Variants in NSUN6 observed in about 807,000 individuals in gnomAD.
NSUN6 encodes NOP2/Sun RNA methyltransferase 6.
NSUN6 carries 64 observed loss-of-function variants against 58.0 expected under a neutral mutation model. The ratio of observed to expected loss-of-function variants is 1.10; its 90% confidence interval spans 0.90 to 1.36. The LOEUF (loss-of-function observed/expected upper bound fraction) is 1.36, where lower values mean the gene tolerates loss of function less well. Ranked by LOEUF, NSUN6 falls within the 40% of genes most tolerant of loss-of-function variation. The pLI is 0.00. For missense variants in NSUN6, 701 were observed against 550.1 expected, an observed-to-expected ratio of 1.27 and a Z score of -2.74; for synonymous variants, 231 against 193.9, an observed-to-expected ratio of 1.19 and a Z score of -1.59.
At chr10:18,600,927 C>CAAAAAAAAA (rs1242151513) in intron 6 of NSUN6, among the ~76,000 whole-genome samples, 3 of 43,766 alleles carry the variant, frequency 6.9e-5, no homozygotes, top group African/African-American at 2.1e-4. Flanking sequence ...GACTCCATCT[C>CAAAAAAAAA]AAAAAAAAAA....
At chr10:18,640,753 T>C (rs940758561) in intron 3 of NSUN6, among the ~76,000 whole-genome samples, 5 of 152,026 alleles carry the variant, frequency 3.3e-5, no homozygotes, top group African/African-American at 1.2e-4. Flanking sequence ...TGTATGTAAC[T>C]TTCACCTTTA....
chr10:18,588,767 T>C (rs1296624778), intron 7 of NSUN6, among the ~76,000 whole-genome samples: 2 of 152,178 alleles, frequency 1.3e-5, no homozygotes, highest in African/African-American at 4.8e-5. Flanking sequence ...CCAAAGGTCA[T>C]CAACCTCAAA....
Position 18,614,579 on chromosome 10 carries a change from A to G in NSUN6, c.456T>C (p.Ser152=). 1.4e-6 allele frequency: 2 copies of G among 1,481,020 alleles called. No individual in the cohort carries two copies. The highest frequency in any genetic ancestry group is 1.3e-5 in the South Asian group (1 of 78,916). The allele number at this position is 1,481,020 out of a possible 1,614,324, so 91.7% of individuals were successfully genotyped here. Residue 152 remains serine, a synonymous_variant, in exon 5 of 11, where the codon TCT becomes TCC. Coordinates refer to ENST00000377304, the MANE Select transcript of NSUN6 (RefSeq NM_182543.5). ...CTTTCTTACATTTTCCTTTAATATC[A>G]GAGTATACAGAAATAACATCTCCAG... is the stretch of plus-strand genomic sequence containing the variant. The part of the protein sequence containing the change: ...MKAGDVISVY[S]DIKGKCKKGA...
intron 2 of NSUN6, among the ~76,000 whole-genome samples, chr10:18,644,569 G>T (rs2059485294): frequency 6.6e-6 from 1 of 151,702 alleles, no homozygotes; most frequent in Non-Finnish European, 1.5e-5. Context: ...GGGCGCAGTG[G>T]CTCATGCCTG....
At chr10:18,588,752 C>T (rs1292868497) in intron 7 of NSUN6, among the ~76,000 whole-genome samples, 1 of 152,204 alleles carries the variant, frequency 6.6e-6, no homozygotes, top group Admixed American at 6.5e-5. Context: ...CCACAACAAT[C>T]CCATCCAAAG....
intron 8 of NSUN6, among the ~76,000 whole-genome samples, chr10:18,571,474 C>T (rs2056358828): frequency 6.6e-6 from 1 of 151,448 alleles, no homozygotes; most frequent in Middle Eastern, 3.2e-3. Context: ...AATCCATTCT[C>T]CATTCCATTC....
chr10:18,603,494 G>A (rs1316648541), intron 6 of NSUN6, among the ~76,000 whole-genome samples: 1 of 150,378 alleles, frequency 6.6e-6, no homozygotes, highest in Non-Finnish European at 1.5e-5. Context: ...TTTTGGGATG[G>A]AGTCTCGCTC....
intron 8 of NSUN6, among the ~76,000 whole-genome samples, chr10:18,558,211 G>T (rs1345310806): frequency 6.6e-6 from 1 of 151,514 alleles, no homozygotes; most frequent in African/African-American, 2.4e-5. Context: ...ATGGAGAATG[G>T]AATGGGGAAT....
At chr10:18,624,307 C>T (rs886912231) in intron 3 of NSUN6, among the ~76,000 whole-genome samples, 3 of 151,784 alleles carry the variant, frequency 2.0e-5, no homozygotes, top group African/African-American at 7.3e-5. Context: ...AAAGCACAGA[C>T]AAGATAAAAC....
chr10:18,550,015 G>A lies in NSUN6; in HGVS notation c.1072-1778C>T, dbSNP rs1469890051. Among the ~76,000 whole-genome samples, 4 of 152,186 alleles carry A rather than the reference G, an allele frequency of 2.6e-5. No individual in the cohort carries two copies. The East Asian group carries it at 7.7e-4, about 29-fold the overall frequency. ...AAGTCACTTAGGTGGAAGAGCCATG[G>A]CTCAAGTCAACAAGGCTCAAGTCCA... On this transcript the variant is annotated intron_variant, in intron 9 of 10. Transcript: ENST00000377304.
At chr10:18,610,046 A>G in intron 5 of NSUN6, 120 bp from the exon 6 acceptor site, 1 of 673,536 alleles carries the variant, frequency 1.5e-6, no homozygotes, top group African/African-American at 1.8e-5. Context: ...TTTAAGAACT[A>G]TTTTGGCTCA....
intron 3 of NSUN6, among the ~76,000 whole-genome samples, chr10:18,629,607 G>C (rs1398176633): frequency 1.3e-5 from 2 of 150,546 alleles, no homozygotes; most frequent in Non-Finnish European, 3.0e-5. Context: ...TACAATCCTA[G>C]TCTCTGATAA....
Position 18,563,211 on chromosome 10 carries a change from TGG to T in NSUN6, c.923-11242_923-11241del, listed in dbSNP as rs2055670859. On this transcript the variant is annotated intron_variant, in intron 8 of 10. Coordinates refer to ENST00000377304, the MANE Select transcript of NSUN6 (RefSeq NM_182543.5). ...GTATGGAATGGAATGGAGAATGGTA[TGG>T]AATGGAATGGAGAATGGTATGGAAT... 3.5e-5 allele frequency among the ~76,000 whole-genome samples: 5 copies of T among 141,772 alleles called. No individual in the cohort carries two copies. The South Asian group carries it at 1.1e-3, about 32-fold the overall frequency. 93.0% of individuals were successfully genotyped at this position (141,772 alleles called of 152,430 possible).
chr10:18,572,903 T>TTTCCA (rs2056451596), intron 8 of NSUN6, among the ~76,000 whole-genome samples: 1 of 150,612 alleles, frequency 6.6e-6, no homozygotes, highest in South Asian at 2.1e-4. Context: ...TCCATTCCAT[T>TTTCCA]TTCCATTCCA....
intron 3 of NSUN6, among the ~76,000 whole-genome samples, chr10:18,619,056 T>C (rs2058511352): frequency 6.6e-6 from 1 of 152,210 alleles, no homozygotes; most frequent in African/African-American, 2.4e-5. Flanking sequence ...AGAGGTCTAT[T>C]TGTTAAAAGT....
At chr10:18,568,993 C>A (rs1307309031) in intron 8 of NSUN6, among the ~76,000 whole-genome samples, 3 of 150,180 alleles carry the variant, frequency 2.0e-5, no homozygotes, top group Non-Finnish European at 3.0e-5. Context: ...CATTCCCTTC[C>A]CCATTCCTTT....
intron 8 of NSUN6, among the ~76,000 whole-genome samples, chr10:18,565,870 A>C (rs2055890005): frequency 6.9e-6 from 1 of 144,686 alleles, no homozygotes; most frequent in Admixed American, 6.9e-5. Flanking sequence ...ATTCCAGTTC[A>C]TTCTGCATTC....
At chr10:18,653,227 C>A, upstream of NSUN6, 1 of 984,698 alleles carries the variant, frequency 1.0e-6, no homozygotes, top group Non-Finnish European at 1.2e-6. Flanking sequence ...CAAGCCTAAT[C>A]CATAATGGGC....
intron 8 of NSUN6, among the ~76,000 whole-genome samples, chr10:18,562,736 TGGAATGG>T: frequency 7.0e-6 from 1 of 141,846 alleles, no homozygotes; most frequent in African/African-American, 2.9e-5. Context: ...CGAAATGGAA[TGGAATGG>T]AGAATGAACT....
Sources: allele counts gnomAD v4.1 joint callset (sites outside exome capture counted in the v4.1 genomes callset), GRCh38; gene constraint gnomAD v4.1.1; transcripts MANE v1.5; gene names NCBI Gene and HGNC (gene_info 2026-07-23, HGNC 2026-07-21).